Variants in HACE1 observed in about 807,000 individuals in gnomAD.
HACE1 encodes E3 ubiquitin-protein ligase HACE1.
Under a neutral mutation model 118.4 loss-of-function variants are expected in HACE1, and 73 were observed. The ratio of observed to expected loss-of-function variants is 0.62; its 90% confidence interval spans 0.51 to 0.75. The LOEUF (loss-of-function observed/expected upper bound fraction) is 0.75. HACE1 is among the 30% of genes least tolerant of loss of function. HACE1 has a pLI of 0.00. For missense variants in HACE1, 749 were observed against 1,102.2 expected, an observed-to-expected ratio of 0.68 and a Z score of 4.54; for synonymous variants, 368 against 374.8, an observed-to-expected ratio of 0.98 and a Z score of 0.21.
In HACE1 at chr6:104,796,636, AC is replaced by A. The variant is rs1295153612; in HGVS notation, c.816+18del. 1.8e-6 allele frequency: 2 copies of A among 1,112,286 alleles called. No individual in the cohort carries two copies. The highest frequency in any genetic ancestry group is 3.1e-5 in the African/African-American group (2 of 64,954). 68.9% of individuals were successfully genotyped at this position (1,112,286 alleles called of 1,614,324 possible). ...AATAAAGCTTCTTCATTTACAAGCT[AC>A]TATCACAAATACAATACCATGTTTT... is the stretch of plus-strand genomic sequence containing the variant. On this transcript the variant is annotated intron_variant, in intron 9 of 23. Coordinates refer to ENST00000262903, the MANE Select transcript of HACE1 (RefSeq NM_020771.4).
In HACE1 at chr6:104,791,544, C is replaced by T. The variant is rs1783023450; in HGVS notation, c.1034G>A (p.Gly345Asp). 6.2e-7 allele frequency: 1 copy of T among 1,612,814 alleles called. No homozygotes were observed. Among genetic ancestry groups the T allele is most frequent in the South Asian group, 1.1e-5 (1 of 91,066 alleles). Reference protein sequence around the residue: ...PSSPSNGIDMGYNGNKTPRSQ... With the variant: ...PSSPSNGIDMDYNGNKTPRSQ... ...TCTTGGAGTTTTATTCCCATTGTAGCCCATATCAATTCCATTACTGGGGGA... is the reference window on the plus strand; with the variant it reads ...TCTTGGAGTTTTATTCCCATTGTAGTCCATATCAATTCCATTACTGGGGGA... The change falls in exon 11 of 24, where the codon GGC becomes GAC. Residue 345 changes from glycine to aspartate, a missense_variant. This residue lies in a region of HACE1 where 267 missense variants were observed against 312.2 expected (regional missense o/e 0.86). Coordinates refer to ENST00000262903, the MANE Select transcript of HACE1 (RefSeq NM_020771.4).
chr6:104,822,821 C>T (rs1043761736), intron 6 of HACE1, among the ~76,000 whole-genome samples: 2 of 152,080 alleles, frequency 1.3e-5, no homozygotes, highest in African/African-American at 4.8e-5. Context: ...CGCGCCACTG[C>T]ACTCCAGCCT....
intron 6 of HACE1, among the ~76,000 whole-genome samples, chr6:104,812,005 CT>C (rs1771675535): frequency 6.6e-6 from 1 of 152,042 alleles, no homozygotes; most frequent in Admixed American, 6.6e-5. Flanking sequence ...ACTTAGCCCC[CT>C]AAGCTCTACT....
intron 22 of HACE1, among the ~76,000 whole-genome samples, chr6:104,742,477 C>T (rs1776871629): frequency 1.3e-5 from 2 of 151,996 alleles, no homozygotes; most frequent in African/African-American, 4.8e-5. Flanking sequence ...AAAAAACAAA[C>T]AACCCCATCA....
intron 2 of HACE1, among the ~76,000 whole-genome samples, chr6:104,851,215 C>A (rs1247231859): frequency 6.6e-6 from 1 of 152,128 alleles, no homozygotes; most frequent in Non-Finnish European, 1.5e-5. Flanking sequence ...TCCCGAGTAG[C>A]CAGGACTACA....
intron 6 of HACE1, among the ~76,000 whole-genome samples, chr6:104,830,399 T>TGCA (rs965329660): frequency 4.6e-5 from 7 of 152,068 alleles, no homozygotes; most frequent in Non-Finnish European, 1.0e-4. Flanking sequence ...AGACAAAAAA[T>TGCA]GCAAATGAAC....
chr6:104,810,030 G>A lies in HACE1; in HGVS notation c.617+1281C>T, dbSNP rs944518928. On this transcript the variant is annotated intron_variant, in intron 7 of 23. Coordinates refer to ENST00000262903, the MANE Select transcript of HACE1 (RefSeq NM_020771.4). ...ACATGTTAATATGTGAGATTCTGTG[G>A]TACTTCTAAGTGATGATGTTAAACA... is the stretch of plus-strand genomic sequence containing the variant. Among the ~76,000 whole-genome samples the A allele has an allele frequency of 1.1e-4, 16 of 152,020 alleles. 2 individuals are homozygous for A.
chr6:104,832,266 ATAC>A (rs1398123226), intron 6 of HACE1, among the ~76,000 whole-genome samples: 4 of 152,252 alleles, frequency 2.6e-5, no homozygotes, highest in African/African-American at 7.2e-5. Flanking sequence ...AAATGTGAAT[ATAC>A]TACATTTAAA....
At chr6:104,791,327 A>G (rs1782996891) in intron 11 of HACE1, among the ~76,000 whole-genome samples, 177 bp downstream of exon 11, 1 of 152,222 alleles carries the variant, frequency 6.6e-6, no homozygotes, top group African/African-American at 2.4e-5. Flanking sequence ...AAAGCTCACC[A>G]ACTTGCTGTT....
At chr6:104,851,247 C>T (rs978063411) in intron 2 of HACE1, among the ~76,000 whole-genome samples, 1 of 152,132 alleles carries the variant, frequency 6.6e-6, no homozygotes, top group African/African-American at 2.4e-5. Context: ...CTACACCCGG[C>T]TAATTTTTGT....
chr6:104,737,570 C>T (rs897954906), intron 22 of HACE1, among the ~76,000 whole-genome samples: 10 of 152,138 alleles, frequency 6.6e-5, no homozygotes, highest in South Asian at 2.1e-4. Flanking sequence ...GGGTGACAGA[C>T]GGCACCTAGA....
At chr6:104,771,063 A>G in intron 19 of HACE1, 130 bp downstream of exon 19, 2 of 668,678 alleles carry the variant, frequency 3.0e-6, no homozygotes, top group African/African-American at 1.8e-5. Flanking sequence ...TTATTAACTT[A>G]AACGTTTTAT....
At chr6:104,737,053 G>A (rs1775922866) in intron 22 of HACE1, among the ~76,000 whole-genome samples, 1 of 151,822 alleles carries the variant, frequency 6.6e-6, no homozygotes, top group Non-Finnish European at 1.5e-5. Flanking sequence ...GGAGGCCGAG[G>A]CGGGTGGATC....
rs1384574128 is a variant in HACE1, at chr6:104,775,485, C to T, written c.1864+1256G>A. On this transcript the variant is annotated intron_variant, in intron 17 of 23. Coordinates refer to ENST00000262903, the MANE Select transcript of HACE1 (RefSeq NM_020771.4). ...GGAAGTACCTCAACTAATGATTCCA[C>T]ACCAAATCTGTTTTTCAGATATTAA... Among the ~76,000 whole-genome samples the T allele has an allele frequency of 2.6e-5, 4 of 152,062 alleles. No homozygotes were observed. The East Asian group carries it at 7.7e-4, about 29-fold the overall frequency.
intron 7 of HACE1, among the ~76,000 whole-genome samples, chr6:104,801,561 T>C (rs112772860): frequency 0.055 from 8,381 of 152,244 alleles, 241 homozygotes; most frequent in South Asian, 0.077. Context: ...GGGCTAATAT[T>C]TGACATTCTT....
At chr6:104,852,236 T>TGTGTGC (rs1369685298) in intron 2 of HACE1, 81 bp downstream of exon 2, 1 of 673,470 alleles carries the variant, frequency 1.5e-6, no homozygotes, top group African/African-American at 1.9e-5. Flanking sequence ...TGTGCGCGCG[T>TGTGTGC]GCGCGTGCAC....
At chr6:104,848,188 G>A (rs573121610) in intron 4 of HACE1, among the ~76,000 whole-genome samples, 65 of 151,312 alleles carry the variant, frequency 4.3e-4, no homozygotes, top group African/African-American at 1.5e-3. Context: ...GGGTGCGGTG[G>A]CTCACGCCTG....
chr6:104,802,685 T>C (rs530921071), intron 7 of HACE1, among the ~76,000 whole-genome samples: 2 of 152,252 alleles, frequency 1.3e-5, no homozygotes, highest in African/African-American at 2.4e-5. Context: ...AGACACAACA[T>C]ACCAGAATCT....
intron 19 of HACE1, among the ~76,000 whole-genome samples, chr6:104,760,347 C>T (rs1779205427): frequency 6.6e-6 from 1 of 152,190 alleles, no homozygotes; most frequent in Non-Finnish European, 1.5e-5. Flanking sequence ...AGCTTATCCA[C>T]CACGATCAAG....
Sources: allele counts gnomAD v4.1 joint callset (sites outside exome capture counted in the v4.1 genomes callset), GRCh38; gene constraint gnomAD v4.1.1; regional missense constraint gnomAD v4.1.1; transcripts MANE v1.5; gene names NCBI Gene and HGNC (gene_info 2026-07-23, HGNC 2026-07-21).